The following USP6 variants were observed in gnomAD, a reference collection of about 807,000 sequenced individuals.
USP6 encodes ubiquitin specific peptidase 6, also known as ubiquitin carboxyl-terminal hydrolase 6.
A neutral mutation model predicts 175.7 loss-of-function variants in USP6; 128 were observed. The observed-to-expected ratio is 0.73, with a 90% CI of 0.63 to 0.84. USP6 has a LOEUF of 0.84. Ranked by LOEUF, USP6 falls within the 40% of genes least tolerant of loss-of-function variation. The pLI is 0.00. For missense variants in USP6, 1,498 were observed against 1,760.3 expected (o/e 0.85, Z 2.67); for synonymous variants, 562 against 630.6 (o/e 0.89, Z 1.63).
rs2073094004 is a variant in USP6 at position 5,132,268 on chromosome 17, G to T, written c.156-128G>T. ...GGAAGGCCCTTGTCCTCCCTTCCCT[G>T]TGCCTTCTCCCGGGCTGAGCCCTGA... On this transcript the variant is annotated intron_variant, in intron 11 of 37. Transcript: ENST00000574788. The surrounding 1 kb of genome is among the most constrained non-coding windows in gnomAD (Gnocchi z 4.7). The T allele has an allele frequency of 1.2e-6, 2 of 1,606,334 alleles. No homozygotes were observed. The highest frequency in any genetic ancestry group is 3.4e-5 in the Admixed American group (2 of 59,430).
At chr17:5,133,396 T>C (rs764592355) in intron 13 of USP6, 47 bp from the exon 14 acceptor site, 86 of 1,557,402 alleles carry the variant, frequency 5.5e-5, no homozygotes, top group Non-Finnish European at 7.3e-5. Flanking sequence ...TGGTCCTCAC[T>C]GGGGTCACCC....
chr17:5,174,966 CAAATT>C lies in USP6; in HGVS notation c.*1993_*1997del, dbSNP rs1187238068. The stretch of plus-strand genomic sequence containing the variant: ...GTTTATCTGTTAACTATTATCCAAA[CAAATT>C]AAATACTGTGGTTGCCTCTATGTGC... On this transcript the variant is annotated 3_prime_UTR_variant, in exon 38 of 38. Coordinates refer to ENST00000574788, the MANE Select transcript of USP6 (RefSeq NM_001304284.2). 5.3e-6 allele frequency: 1 copy of C among 187,984 alleles called. No homozygotes were observed. The highest frequency in any genetic ancestry group is 2.3e-5 in the African/African-American group (1 of 42,782). The allele number at this position is 187,984 out of a possible 1,614,324, so 11.6% of individuals were successfully genotyped here.
chr17:5,168,718 G>C (rs578168354), intron 34 of USP6, 49 bp from the exon 35 acceptor site: 1 of 1,499,082 alleles, frequency 6.7e-7, no homozygotes, highest in East Asian at 2.3e-5. Flanking sequence ...TGTAAATTTT[G>C]TATCTTCAGA....
chr17:5,172,632 A>G (rs539887684), intron 37 of USP6, among the ~76,000 whole-genome samples, 173 bp from the exon 38 acceptor site: 1 of 152,338 alleles, frequency 6.6e-6, no homozygotes, highest in African/African-American at 2.4e-5. Context: ...CAAAGCAAAC[A>G]TTGGAAATAA....
chr17:5,119,492 G>A (rs2072604173), intron 2 of USP6, among the ~76,000 whole-genome samples: 1 of 152,164 alleles, frequency 6.6e-6, no homozygotes, highest in Non-Finnish European at 1.5e-5. Flanking sequence ...AAATTCACCT[G>A]GAAGCAAGCG....
At chr17:5,150,055 AG>A (rs2073720884) in intron 30 of USP6, among the ~76,000 whole-genome samples, 1 of 152,100 alleles carries the variant, frequency 6.6e-6, no homozygotes, top group East Asian at 1.9e-4. Flanking sequence ...GCACTTTGGG[AG>A]GCTGAGACAG....
intron 11 of USP6, 90 bp downstream of exon 11, chr17:5,130,774 G>T (rs1489419706): frequency 1.3e-5 from 20 of 1,511,518 alleles, no homozygotes; most frequent in Non-Finnish European, 1.8e-5. Context: ...TCTGATGCAG[G>T]ACATGTCTCG....
chr17:5,143,561 CT>C (rs1398391627), intron 25 of USP6, among the ~76,000 whole-genome samples: 1 of 151,610 alleles, frequency 6.6e-6, no homozygotes, highest in Non-Finnish European at 1.5e-5. Context: ...AGGCAGCATG[CT>C]CGTTAAGAGT....
chr17:5,136,191 C>G (rs2073248150), intron 17 of USP6, among the ~76,000 whole-genome samples: 1 of 152,230 alleles, frequency 6.6e-6, no homozygotes, highest in African/African-American at 2.4e-5. Context: ...TCCTCCGGCT[C>G]TGATTCTGTT....
Position 5,130,678 on chromosome 17 carries a change from T to C in USP6, c.149T>C (p.Ile50Thr). ...AACAGCAGCATTGATCGTTTTGGCA[T>C]TTTGCAGTGAGTCATCCTCTATGCT... ...GINSSIDRFG[I>T]LHETELPPVT... is the part of the protein sequence containing the mutation. The change falls in exon 11 of 38, where the codon ATT (isoleucine) becomes ACT (threonine). Residue 50 changes from isoleucine (I) to threonine (T), a missense_variant. This residue lies in a region of USP6 where 281 missense variants were observed against 259.6 expected (regional missense o/e 1.08). Coordinates refer to ENST00000574788, the MANE Select transcript of USP6 (RefSeq NM_001304284.2). 1 of 1,613,942 alleles carries C rather than the reference T, an allele frequency of 6.2e-7. No individual in the cohort carries two copies. The highest frequency in any genetic ancestry group is 8.5e-7 in the Non-Finnish European group (1 of 1,179,812).
At chr17:5,151,105 AG>A (rs529226548) in intron 30 of USP6, among the ~76,000 whole-genome samples, 70 of 152,158 alleles carry the variant, frequency 4.6e-4, no homozygotes, top group Middle Eastern at 3.2e-3. Flanking sequence ...TTACCAAATT[AG>A]GTCACATTTA....
At chr17:5,123,372 G>C (rs926555611) in intron 4 of USP6, among the ~76,000 whole-genome samples, 4 of 151,864 alleles carry the variant, frequency 2.6e-5, no homozygotes, top group African/African-American at 9.7e-5. Context: ...GCCCGGGGGC[G>C]GCTCAGCAGG....
At chr17:5,120,515 G>C (rs537422171) in intron 2 of USP6, 112 bp from the exon 3 acceptor site, 4 of 340,600 alleles carry the variant, frequency 1.2e-5, no homozygotes, top group Admixed American at 4.2e-5. Context: ...ATCTGTGTCT[G>C]TCTGTCTGTC....
intron 28 of USP6, among the ~76,000 whole-genome samples, chr17:5,146,636 T>G (rs1431307835): frequency 1.3e-5 from 2 of 152,210 alleles, no homozygotes. Context: ...CAATCATGTC[T>G]TTCTACAAAC....
Position 5,116,751 on chromosome 17 carries a change from G to C in USP6, c.-1928+11G>C, listed in dbSNP as rs2072547826. 1 of 152,224 alleles carries C rather than the reference G, an allele frequency of 6.6e-6. No individual in the cohort carries two copies. Among genetic ancestry groups the C allele is most frequent in the Non-Finnish European group, 1.5e-5 (1 of 68,052 alleles). 9.4% of individuals were successfully genotyped at this position (152,224 alleles called of 1,614,324 possible). On this transcript the variant is annotated intron_variant, in intron 1 of 37. Transcript: ENST00000574788. Reference sequence around the variant, plus strand: ...CTTCACTTACTAGTTGTGAGTCTTTGGGCAAATTTGCCTTTCTAGAGCGTA... The same window carrying C: ...CTTCACTTACTAGTTGTGAGTCTTTCGGCAAATTTGCCTTTCTAGAGCGTA...
chr17:5,121,150 C>G (rs1194209041), intron 3 of USP6, among the ~76,000 whole-genome samples: 2 of 152,178 alleles, frequency 1.3e-5, no homozygotes, highest in African/African-American at 2.4e-5. Context: ...ACACCCAGTG[C>G]CTGTCTTTGA....
At chr17:5,152,980 A>G (rs989518751) in intron 30 of USP6, among the ~76,000 whole-genome samples, 1 of 152,122 alleles carries the variant, frequency 6.6e-6, no homozygotes, top group African/African-American at 2.4e-5. Context: ...TCGATGACAG[A>G]GCTAGACCCA....
At chr17:5,139,191 G>A (rs1477058345) in intron 21 of USP6, 64 bp from the exon 22 acceptor site, 1 of 1,598,282 alleles carries the variant, frequency 6.3e-7, no homozygotes, top group Non-Finnish European at 8.5e-7. Context: ...GGCAGGTGGG[G>A]CCCAGCCCGG....
intron 17 of USP6, 79 bp downstream of exon 17, chr17:5,136,007 G>C (rs2143887340): frequency 5.7e-6 from 9 of 1,591,564 alleles, no homozygotes; most frequent in Non-Finnish European, 7.6e-6. Flanking sequence ...TCGGCTTTCA[G>C]CCAAGGCACA....
Sources: allele counts gnomAD v4.1 joint callset (sites outside exome capture counted in the v4.1 genomes callset), GRCh38; gene constraint gnomAD v4.1.1; regional missense constraint gnomAD v4.1.1; non-coding constraint Gnocchi (gnomAD v3.1); transcripts MANE v1.5; gene names NCBI Gene and HGNC (gene_info 2026-07-23, HGNC 2026-07-21).